Variants in NBPF12 observed in about 807,000 individuals in gnomAD.
The protein encoded by NBPF12 is NBPF family member NBPF12.
In NBPF12, 115 loss-of-function variants were observed where a neutral mutation model predicts 146.4. That is an observed-to-expected ratio of 0.79 (90% CI 0.68 to 0.92). The LOEUF (loss-of-function observed/expected upper bound fraction) is 0.92, where lower values mean the gene tolerates loss of function less well. Among genes scored for constraint, NBPF12 ranks in the 40% least tolerant of loss-of-function variants. NBPF12 has a pLI of 0.00. For synonymous variants in NBPF12, 385 were observed against 508.9 expected (o/e 0.76, Z 3.28); for missense variants, 1,205 against 1,326.8 (o/e 0.91, Z 1.43).
rs1334725887 is a variant in NBPF12 at position 146,972,832 on chromosome 1, A to G, written c.1673A>G (p.Asn558Ser). The G allele has an allele frequency of 1.1e-5, 15 of 1,354,620 alleles. 1 individual carries two copies. The highest frequency in any genetic ancestry group is 1.2e-5 in the Non-Finnish European group (11 of 946,652). 83.9% of individuals were successfully genotyped at this position (1,354,620 alleles called of 1,614,324 possible). A position where few individuals can be genotyped will look rare whatever the true frequency, so the allele number is the denominator to read the frequency against. ...TTGTCCAGCGAGAAGGCAGAGATGA[A>G]CATTCTAGAAATCAATGAGAAGTTG... The change falls in exon 14 of 34, where the codon AAC becomes AGC. Residue 558 changes from asparagine (N) to serine (S), a missense_variant. Physicochemically the swap from Asn to Ser is conservative, Grantham distance 46. Around this residue, in one of 16 missense-constraint regions of NBPF12, gnomAD observed 278 missense variants for 203.1 expected, o/e 1.37. Coordinates refer to ENST00000617844, the Ensembl canonical transcript of NBPF12.
At chr1:146,988,595 A>G (rs1657944819) in intron 26 of NBPF12, among the ~76,000 whole-genome samples, 1 of 150,300 alleles carries the variant, frequency 6.7e-6, no homozygotes, top group African/African-American at 2.5e-5. Context: ...TGTTTGCACA[A>G]ACTTGGGACA....
intron 5 of NBPF12, among the ~76,000 whole-genome samples, chr1:146,962,696 C>T (rs1464328101): frequency 1.3e-5 from 2 of 148,912 alleles, no homozygotes; most frequent in South Asian, 4.5e-4. Context: ...CTTTTCAATT[C>T]GCCCCATCTG....
At chr1:146,961,329 C>T (rs1454030404) in intron 4 of NBPF12, among the ~76,000 whole-genome samples, 4 of 151,400 alleles carry the variant, frequency 2.6e-5, no homozygotes, top group Non-Finnish European at 4.4e-5. Flanking sequence ...CAGCCTGTCT[C>T]CTGGGCTCCA....
intron 4 of NBPF12, among the ~76,000 whole-genome samples, 189 bp from the exon 8 acceptor site, chr1:146,961,972 T>C (rs1402737817): frequency 1.3e-5 from 2 of 152,072 alleles, no homozygotes; most frequent in Non-Finnish European, 2.9e-5. Flanking sequence ...TTCTTCGTCT[T>C]TAAATTTTGG....
At chr1:146,971,267 T>C in exon 13 of NBPF12, 12 of 1,612,398 alleles carry the variant, frequency 7.4e-6, no homozygotes, top group South Asian at 2.2e-5. Flanking sequence ...GCCACGGCCC[T>C]TGTGACTCCA....
intron 31 of NBPF12, among the ~76,000 whole-genome samples, chr1:146,992,482 G>GTA (rs1658255331): frequency 2.5e-5 from 3 of 120,704 alleles, no homozygotes; most frequent in Non-Finnish European, 5.1e-5. Context: ...GTGTGTGTGT[G>GTA]TGTGTGTGTG....
At chr1:146,965,213 G>T in intron 8 of NBPF12, 109 bp downstream of exon 11, 1 of 777,714 alleles carries the variant, frequency 1.3e-6, no homozygotes, top group East Asian at 2.4e-5. Flanking sequence ...CAGAAACTAG[G>T]ATGGAGCTAG....
upstream of NBPF12, among the ~76,000 whole-genome samples, chr1:146,938,427 G>A (rs1654628741): frequency 2.0e-5 from 3 of 152,134 alleles, no homozygotes; most frequent in South Asian, 6.2e-4. Flanking sequence ...CTTTAACCTG[G>A]CAGGGGCGGT....
chr1:146,944,765 A>G (rs1489772781), upstream of NBPF12, among the ~76,000 whole-genome samples: 1 of 151,542 alleles, frequency 6.6e-6, no homozygotes, highest in Non-Finnish European at 1.5e-5. Context: ...GGATGTTCTC[A>G]TCTTCATGTA....
intron 31 of NBPF12, among the ~76,000 whole-genome samples, chr1:146,992,460 CTCTGTGTGTGTGTG>C (rs1446564210): frequency 5.2e-4 from 46 of 88,924 alleles, no homozygotes; most frequent in African/African-American, 8.9e-4. Flanking sequence ...CTCTCTCTCT[CTCTGTGTGTGTGTG>C]TGTGTGTGTG....
chr1:146,972,902 A>T, exon 14 of NBPF12: 1 of 1,049,840 alleles, frequency 9.5e-7, no homozygotes, highest in South Asian at 1.3e-5. Flanking sequence ...GAAGCCTCAA[A>T]GAGAAATGTT....
intron 19 of NBPF12, among the ~76,000 whole-genome samples, chr1:146,980,046 T>C (rs1657269580): frequency 6.8e-6 from 1 of 147,058 alleles, no homozygotes; most frequent in Non-Finnish European, 1.5e-5. Flanking sequence ...TCTTGTTGAA[T>C]TGATCCCTTT....
At position 146,972,081 on chromosome 1, in the gene NBPF12, C is replaced by G. The variant is rs1395703087; in HGVS notation, c.1592-670C>G. Among the ~76,000 whole-genome samples, 32 of 134,660 alleles carry G rather than the reference C, an allele frequency of 2.4e-4. 1 individual carries two copies. Among genetic ancestry groups the G allele is most frequent in the Middle Eastern group, 3.8e-3 (1 of 262 alleles). The allele number at this position is 134,660 out of a possible 152,430, so 88.3% of individuals were successfully genotyped here. ...CCAGCCTGGGAGACAGAGCGAGACT[C>G]CATCTAAAAAAAAAAAAAAAAAGTA... is the stretch of plus-strand genomic sequence containing the variant. On this transcript the variant is annotated intron_variant, in intron 13 of 33. Transcript: ENST00000617844.
At chr1:146,965,669 G>T (rs1656144924) in intron 8 of NBPF12, among the ~76,000 whole-genome samples, 2 of 149,604 alleles carry the variant, frequency 1.3e-5, no homozygotes, top group Non-Finnish European at 3.0e-5. Context: ...GTGGGCACCT[G>T]TAGTCCCAGC....
At chr1:146,971,507 G>A in intron 13 of NBPF12, 113 bp downstream of exon 16, 1 of 861,028 alleles carries the variant, frequency 1.2e-6, no homozygotes, top group Non-Finnish European at 1.8e-6. Flanking sequence ...AACTAGGATG[G>A]AACTAGGTGC....
intron 10 of NBPF12, 124 bp downstream of exon 13, chr1:146,968,674 C>T (rs1270867008): frequency 3.2e-4 from 265 of 833,788 alleles, no homozygotes; most frequent in Middle Eastern, 1.1e-3. Context: ...CCATGGCAGG[C>T]TCGCTACACA....
intron 10 of NBPF12, 63 bp from the exon 14 acceptor site, chr1:146,969,319 C>G: frequency 1.4e-6 from 1 of 694,502 alleles, no homozygotes; most frequent in Non-Finnish European, 2.5e-6. Flanking sequence ...ATCTCTGTTG[C>G]AATATTTGAA....
At chr1:146,973,904 C>T (rs1330135614) in intron 14 of NBPF12, among the ~76,000 whole-genome samples, 1 of 150,246 alleles carries the variant, frequency 6.7e-6, no homozygotes, top group African/African-American at 2.5e-5. Context: ...AAGATCGCAC[C>T]CGAGAATGTG....
chr1:146,945,852 G>A (rs1479628689), upstream of NBPF12, among the ~76,000 whole-genome samples: 10 of 152,118 alleles, frequency 6.6e-5, no homozygotes, highest in Middle Eastern at 3.4e-3. Context: ...TTCACAGATT[G>A]TGGGTTTTGG....
Sources: gnomAD v4.1 joint callset for allele counts (sites outside exome capture counted in the v4.1 genomes callset) on GRCh38, gnomAD v4.1.1 for gene constraint, gnomAD v4.1.1 regional missense constraint, MANE v1.5 for transcripts, NCBI Gene and HGNC (gene_info 2026-07-23, HGNC 2026-07-21) for gene names.